The following LEPR variants were observed in gnomAD, a reference collection of about 807,000 sequenced individuals.
LEPR encodes the protein leptin receptor, also known as OB receptor.
In LEPR, 56 loss-of-function variants were observed where a neutral mutation model predicts 114.7. The ratio of observed to expected loss-of-function variants is 0.49; its 90% CI spans 0.39 to 0.61. The LOEUF is 0.61. LEPR is among the 20% of genes least tolerant of loss of function. The pLI, the probability that LEPR is intolerant of heterozygous loss-of-function variation, is 0.00. For missense variants in LEPR, 1,202 were observed against 1,352.9 expected (o/e 0.89, Z 1.75); for synonymous variants, 443 against 461.4 (o/e 0.96, Z 0.51).
chr1:65,534,874 A>C (rs1009436432), intron 2 of LEPR, among the ~76,000 whole-genome samples: 1 of 152,370 alleles, frequency 6.6e-6, no homozygotes, highest in Middle Eastern at 3.4e-3. Flanking sequence ...GTTTAAGAAC[A>C]GCTGTTACCA....
intron 17 of LEPR, among the ~76,000 whole-genome samples, chr1:65,620,248 C>G (rs1657791812): frequency 6.6e-6 from 1 of 152,202 alleles, no homozygotes; most frequent in South Asian, 2.1e-4. Flanking sequence ...TCTGATTCAT[C>G]TTACTGTACT....
chr1:65,451,633 C>A (rs990730076), intron 2 of LEPR, among the ~76,000 whole-genome samples: 4 of 152,184 alleles, frequency 2.6e-5, no homozygotes, highest in African/African-American at 9.7e-5. Context: ...TTCCACTGAT[C>A]TATATCTCTG....
At chr1:65,465,969 C>G (rs141941258) in intron 2 of LEPR, among the ~76,000 whole-genome samples, 11,183 of 152,208 alleles carry the variant, frequency 0.073, 499 homozygotes, top group African/African-American at 0.12. Flanking sequence ...TGGGTCTTGA[C>G]TCTTTATCCA....
intron 2 of LEPR, among the ~76,000 whole-genome samples, chr1:65,478,438 A>G (rs983486392): frequency 4.6e-5 from 7 of 152,172 alleles, no homozygotes; most frequent in Non-Finnish European, 1.0e-4. Context: ...TTTAGAGCTC[A>G]TTTTCCCAAA....
intron 2 of LEPR, among the ~76,000 whole-genome samples, chr1:65,530,786 G>A (rs1650334512): frequency 6.6e-6 from 1 of 152,018 alleles, no homozygotes; most frequent in African/African-American, 2.4e-5. Context: ...TAACTGTTTG[G>A]GAATGCAGCC....
intron 2 of LEPR, among the ~76,000 whole-genome samples, chr1:65,429,163 T>C (rs1646436280): frequency 6.6e-6 from 1 of 152,148 alleles, no homozygotes; most frequent in African/African-American, 2.4e-5. Flanking sequence ...TTAGAATAGA[T>C]GACCAGGGAA....
At chr1:65,603,401 GA>G (rs1284372084) in intron 10 of LEPR, among the ~76,000 whole-genome samples, 1 of 151,694 alleles carries the variant, frequency 6.6e-6, no homozygotes, top group Non-Finnish European at 1.5e-5. Flanking sequence ...GAGAAGACAA[GA>G]AAAAGAAGTG....
intron 3 of LEPR, among the ~76,000 whole-genome samples, chr1:65,569,229 A>C (rs1457376509): frequency 6.6e-6 from 1 of 152,054 alleles, no homozygotes; most frequent in Non-Finnish European, 1.5e-5. Context: ...GTTTACTTCT[A>C]TTTCCTTACA....
rs746837693 is a variant in LEPR, at chr1:65,425,292, A to T, written c.-96-11A>T. Reference sequence around the variant, plus strand: ...TGTGGGAACTTTAACTTTTGGCTTTATTTTTCACAGCTCTCGTGGCATTAT... The same window carrying T: ...TGTGGGAACTTTAACTTTTGGCTTTTTTTTTCACAGCTCTCGTGGCATTAT... On this transcript the variant is annotated splice_polypyrimidine_tract_variant and intron_variant, in intron 1 of 19. Coordinates refer to ENST00000349533, the MANE Select transcript of LEPR (RefSeq NM_002303.6). The T allele has an allele frequency of 4.3e-6, 7 of 1,611,264 alleles. No homozygotes were observed. In the African/African-American group the frequency reaches 9.4e-5, roughly 22 times the overall value.
At chr1:65,588,156 C>G (rs1004615193) in intron 5 of LEPR, among the ~76,000 whole-genome samples, 50 of 152,024 alleles carry the variant, frequency 3.3e-4, no homozygotes, top group Admixed American at 3.3e-3. Context: ...TCTATAGTCA[C>G]TTCATTTACA....
At chr1:65,421,373 G>A (rs1442596672) in intron 1 of LEPR, 2 of 1,536,052 alleles carry the variant, frequency 1.3e-6, no homozygotes, top group East Asian at 2.4e-5. Context: ...GCATGGGGCA[G>A]TTGGTAAAAA....
chr1:65,426,205 A>G (rs978665856), intron 2 of LEPR, among the ~76,000 whole-genome samples: 4 of 152,208 alleles, frequency 2.6e-5, no homozygotes, highest in African/African-American at 7.2e-5. Context: ...CACTTTAGGC[A>G]CCAGGAAAGC....
At chr1:65,572,246 C>CT in intron 4 of LEPR, 80 bp from the exon 5 acceptor site, 1 of 1,398,024 alleles carries the variant, frequency 7.2e-7, no homozygotes, top group Non-Finnish European at 9.3e-7. Flanking sequence ...TAGCTCTTCT[C>CT]TTTCACTGAG....
Position 65,585,631 on chromosome 1 carries a change from T to A in LEPR, c.495-7026T>A, listed in dbSNP as rs187731765. ...AAAGTTTATTTACATGTAGAGGTAT[T>A]AAATAAATAGTGGCACTGAGTTTGT... On this transcript the variant is annotated intron_variant, in intron 5 of 19. Transcript: ENST00000349533. 1.4e-3 allele frequency among the ~76,000 whole-genome samples: 220 copies of A among 152,140 alleles called. 1 individual carries two copies. The highest frequency in any genetic ancestry group is 5.0e-3 in the African/African-American group (206 of 41,560).
chr1:65,439,864 G>A (rs1646624936), intron 2 of LEPR, among the ~76,000 whole-genome samples: 1 of 147,526 alleles, frequency 6.8e-6, no homozygotes, highest in Non-Finnish European at 1.5e-5. Context: ...GCGCAGTGGC[G>A]TGTGCCTGTA....
chr1:65,436,726 G>A (rs1646568646), intron 2 of LEPR, among the ~76,000 whole-genome samples: 1 of 151,822 alleles, frequency 6.6e-6, no homozygotes, highest in Admixed American at 6.6e-5. Context: ...CTTCACTTTT[G>A]ATTATATCTT....
Position 65,547,240 on chromosome 1 carries a change from T to A in LEPR, c.-20-18306T>A, listed in dbSNP as rs976767695. ...TTTATTGAGGATTTTTGCAGCAATG[T>A]TCTTCAAGGATATTGGTCTAAAATT... On this transcript the variant is annotated intron_variant, in intron 2 of 19. Transcript: ENST00000349533. Among the ~76,000 whole-genome samples, 106 of 152,210 alleles carry A rather than the reference T, an allele frequency of 7.0e-4. 1 individual carries two copies. Among genetic ancestry groups the A allele is most frequent in the Non-Finnish European group, 1.3e-3 (88 of 68,038 alleles).
At chr1:65,625,912 G>T (rs1243443391) in intron 19 of LEPR, among the ~76,000 whole-genome samples, 1 of 152,026 alleles carries the variant, frequency 6.6e-6, no homozygotes, top group African/African-American at 2.4e-5. Context: ...CAGTATATAG[G>T]TATATATTAA....
chr1:65,537,120 T>A (rs1650832971), intron 2 of LEPR, among the ~76,000 whole-genome samples: 2 of 152,204 alleles, frequency 1.3e-5, no homozygotes, highest in Admixed American at 1.3e-4. Flanking sequence ...ATGTTGTGAA[T>A]CTTAAAACAG....
Sources: gnomAD v4.1 joint callset for allele counts (sites outside exome capture counted in the v4.1 genomes callset) on GRCh38, gnomAD v4.1.1 for gene constraint, MANE v1.5 for transcripts, NCBI Gene and HGNC (gene_info 2026-07-23, HGNC 2026-07-21) for gene names.